KIAA1549: variants seen among roughly 807,000 people sequenced by gnomAD.
The protein encoded by KIAA1549 is KIAA1549.
A neutral mutation model predicts 156.4 loss-of-function variants in KIAA1549; 70 were observed. That is an observed-to-expected ratio of 0.45 (90% confidence interval 0.37 to 0.55). KIAA1549 has a LOEUF of 0.55. KIAA1549 is among the 20% of genes least tolerant of loss of function. The pLI, the probability that KIAA1549 is intolerant of heterozygous loss-of-function variation, is 0.00. For synonymous variants in KIAA1549, 1,103 were observed against 1,066.4 expected, an observed-to-expected ratio of 1.03 and a Z score of -0.67; for missense variants, 2,428 against 2,540.9, an observed-to-expected ratio of 0.96 and a Z score of 0.96.
chr7:138,885,338 C>T (rs1207012589), intron 10 of KIAA1549, among the ~76,000 whole-genome samples: 4 of 152,200 alleles, frequency 2.6e-5, no homozygotes, highest in Non-Finnish European at 5.9e-5. Flanking sequence ...TGGCTCATCA[C>T]AGACAACCTG....
chr7:138,944,581 A>G (rs1286744693), intron 1 of KIAA1549, among the ~76,000 whole-genome samples: 1 of 152,188 alleles, frequency 6.6e-6, no homozygotes, highest in Non-Finnish European at 1.5e-5. Context: ...CAGGCGTTCA[A>G]ACCAAAACTT....
intron 16 of KIAA1549, among the ~76,000 whole-genome samples, chr7:138,854,089 C>G (rs1240287262): frequency 6.6e-6 from 1 of 152,232 alleles, no homozygotes; most frequent in East Asian, 1.9e-4. Flanking sequence ...AAATGACAGA[C>G]AGAATTTCTC....
rs148007950 is a variant in KIAA1549 at position 138,916,913 on chromosome 7, C to G, written c.2713G>C (p.Ala905Pro). The change falls in exon 2 of 20, where the codon GCA (alanine) becomes CCA (proline). Residue 905 changes from alanine to proline, a missense_variant. Around this residue, in one of 5 missense-constraint regions of KIAA1549, gnomAD observed 762 missense variants for 901.6 expected, o/e 0.85. Transcript: ENST00000422774. ...PLDSTLMGDAASQSPPESSAA... is the reference protein window; with the variant it reads ...PLDSTLMGDAPSQSPPESSAA... ...CTACTCTCTGGGGGGCTCTGACTTGCGGCGTCACCCATCAGGGTGGAGTCG... is the reference window on the plus strand; with the variant it reads ...CTACTCTCTGGGGGGCTCTGACTTGGGGCGTCACCCATCAGGGTGGAGTCG... The G allele has an allele frequency of 5.1e-4, 830 of 1,612,884 alleles. 2 individuals are homozygous for G. The African/African-American group carries it at 9.7e-3, about 19-fold the overall frequency.
At chr7:138,895,525 A>T (rs998389182) in intron 9 of KIAA1549, among the ~76,000 whole-genome samples, 1 of 152,142 alleles carries the variant, frequency 6.6e-6, no homozygotes, top group Non-Finnish European at 1.5e-5. Flanking sequence ...CAAGCCAGTC[A>T]CAAAAGGACA....
intron 16 of KIAA1549, among the ~76,000 whole-genome samples, chr7:138,856,079 C>A (rs1459968412): frequency 2.0e-5 from 3 of 150,824 alleles, no homozygotes; most frequent in African/African-American, 7.3e-5. Flanking sequence ...CCACCCAGGC[C>A]GGACTGCAGT....
intron 1 of KIAA1549, among the ~76,000 whole-genome samples, chr7:138,967,517 G>T (rs915260375): frequency 1.3e-5 from 2 of 152,138 alleles, no homozygotes; most frequent in Admixed American, 1.3e-4. Context: ...TAAAGATATT[G>T]TACTCTCAAA....
At chr7:138,969,212 T>C (rs1451224736) in intron 1 of KIAA1549, among the ~76,000 whole-genome samples, 4 of 152,202 alleles carry the variant, frequency 2.6e-5, no homozygotes, top group Non-Finnish European at 2.9e-5. Context: ...TATATTCACA[T>C]TGTCGTGCAA....
At chr7:138,878,663 G>A (rs2130400196) in intron 12 of KIAA1549, among the ~76,000 whole-genome samples, 1 of 152,156 alleles carries the variant, frequency 6.6e-6, no homozygotes, top group East Asian at 1.9e-4. Context: ...TAAGGAGACT[G>A]AGGTGGGAGG....
rs1192259253 is a variant in KIAA1549, at chr7:138,981,196, G to A, written c.74C>T (p.Pro25Leu). 3.9e-5 allele frequency: 42 copies of A among 1,064,612 alleles called. No individual in the cohort carries two copies. The highest frequency in any genetic ancestry group is 4.8e-5 in the Non-Finnish European group (42 of 881,722). The allele number at this position is 1,064,612 out of a possible 1,614,324, so 65.9% of individuals were successfully genotyped here. Residue 25 changes from proline (P) to leucine (L), a missense_variant, in exon 1 of 20, where the codon CCG (proline) becomes CTG (leucine). Pro to Leu is a moderately conservative substitution (Grantham distance 98). Around this residue, in one of 5 missense-constraint regions of KIAA1549, gnomAD observed 893 missense variants for 847.9 expected, o/e 1.05. Transcript: ENST00000422774. This position sits in a 1 kb window ranked among gnomAD's most constrained non-coding sequence, Gnocchi z 4.5. The part of the protein sequence containing the change: ...GKPRAGVALA[P>L]GPSGRRPSAR... ...GGAAGGCCGTCGGCCGCTCGGCCCC[G>A]GGGCCAGCGCGACCCCGGCGCGGGG...
Position 138,843,543 on chromosome 7 carries a change from T to C in KIAA1549, c.5452+774A>G, listed in dbSNP as rs116181814. Among the ~76,000 whole-genome samples, 1,368 of 152,340 alleles carry C rather than the reference T, an allele frequency of 9.0e-3. 15 individuals are homozygous for C. Among genetic ancestry groups the C allele is most frequent in the African/African-American group, 0.03 (1,255 of 41,576 alleles). ...ATCCTTCTAATAGATCTTAACATTTTCCATTATATGTTTTTACATAATTTC... is the reference window on the plus strand; with the variant it reads ...ATCCTTCTAATAGATCTTAACATTTCCCATTATATGTTTTTACATAATTTC... On this transcript the variant is annotated intron_variant, in intron 18 of 19. Coordinates refer to ENST00000422774, the MANE Select transcript of KIAA1549 (RefSeq NM_001164665.2).
At chr7:138,933,096 G>A (rs947167582) in intron 1 of KIAA1549, among the ~76,000 whole-genome samples, 6 of 152,078 alleles carry the variant, frequency 3.9e-5, no homozygotes, top group Non-Finnish European at 5.9e-5. Flanking sequence ...CACGTTTCTC[G>A]TGGTGGCAGA....
At chr7:138,965,140 G>A (rs1813980486) in intron 1 of KIAA1549, among the ~76,000 whole-genome samples, 2 of 151,972 alleles carry the variant, frequency 1.3e-5, no homozygotes, top group African/African-American at 4.8e-5. Flanking sequence ...TTTACATCGG[G>A]GTTAGGGAAG....
intron 16 of KIAA1549, among the ~76,000 whole-genome samples, chr7:138,860,030 A>G (rs1269394814): frequency 6.6e-6 from 1 of 152,228 alleles, no homozygotes; most frequent in Non-Finnish European, 1.5e-5. Context: ...GGTGCTTTGT[A>G]AATATATGTG....
chr7:138,902,426 T>C (rs1273282863), intron 8 of KIAA1549, among the ~76,000 whole-genome samples: 1 of 152,170 alleles, frequency 6.6e-6, no homozygotes, highest in East Asian at 1.9e-4. Context: ...TTCCTGTTTC[T>C]GAAATGTCAT....
chr7:138,845,840 T>C (rs1193537310), intron 17 of KIAA1549, among the ~76,000 whole-genome samples: 2 of 152,176 alleles, frequency 1.3e-5, no homozygotes, highest in Non-Finnish European at 2.9e-5. Context: ...TGGCAGTTGT[T>C]TTTCTTGAAG....
chr7:138,847,321 C>A (rs910476931), intron 17 of KIAA1549, among the ~76,000 whole-genome samples: 1 of 152,198 alleles, frequency 6.6e-6, no homozygotes, highest in African/African-American at 2.4e-5. Context: ...AACTTCTGCC[C>A]TGTATCACCT....
At chr7:138,958,062 G>A (rs1813721980) in intron 1 of KIAA1549, among the ~76,000 whole-genome samples, 1 of 152,206 alleles carries the variant, frequency 6.6e-6, no homozygotes, top group South Asian at 2.1e-4. Context: ...CAACGTCTGT[G>A]AATACATATT....
chr7:138,932,303 T>C (rs560073188), intron 1 of KIAA1549, among the ~76,000 whole-genome samples: 14 of 152,164 alleles, frequency 9.2e-5, no homozygotes, highest in Admixed American at 7.9e-4. Flanking sequence ...GGATGTGGGA[T>C]CTGCACATGG....
At chr7:138,949,512 G>A (rs903523750) in intron 1 of KIAA1549, among the ~76,000 whole-genome samples, 13 of 152,088 alleles carry the variant, frequency 8.5e-5, no homozygotes, top group African/African-American at 2.2e-4. Context: ...TGTGGAGACC[G>A]AAAGCCTATT....
Sources: gnomAD v4.1 joint callset for allele counts (sites outside exome capture counted in the v4.1 genomes callset) on GRCh38, gnomAD v4.1.1 for gene constraint, gnomAD v4.1.1 regional missense constraint, Gnocchi (gnomAD v3.1) non-coding constraint, MANE v1.5 for transcripts, NCBI Gene and HGNC (gene_info 2026-07-23, HGNC 2026-07-21) for gene names.